Variants in CAPN14 observed in about 807,000 individuals in gnomAD.
The protein encoded by CAPN14 is calpain 14.
A neutral mutation model predicts 101.3 loss-of-function variants in CAPN14; 94 were observed. The ratio of observed to expected loss-of-function variants is 0.93; its 90% CI spans 0.79 to 1.10. The LOEUF (loss-of-function observed/expected upper bound fraction) is 1.10. Ranked by LOEUF, CAPN14 falls within the 50% of genes least tolerant of loss-of-function variation. The pLI, the probability that CAPN14 is intolerant of heterozygous loss-of-function variation, is 0.00. For missense variants in CAPN14, 837 were observed against 828.4 expected, an observed-to-expected ratio of 1.01 and a Z score of -0.13; for synonymous variants, 338 against 317.9, an observed-to-expected ratio of 1.06 and a Z score of -0.67.
At chr2:31,197,851 G>A (rs1324936759) in intron 7 of CAPN14, among the ~76,000 whole-genome samples, 1 of 152,160 alleles carries the variant, frequency 6.6e-6, no homozygotes, top group Non-Finnish European at 1.5e-5. Flanking sequence ...GGAAGGTGGA[G>A]GAGGCAAGAA....
Position 31,176,262 on chromosome 2 carries a change from C to T in CAPN14, c.2028+325G>A, listed in dbSNP as rs566089373. On this transcript the variant is annotated intron_variant, in intron 21 of 21. Coordinates refer to ENST00000403897, the MANE Select transcript of CAPN14 (RefSeq NM_001145122.2). ...ACATGAGCAAGCCAGCTGAGATCCA[C>T]TGACTCCCAGCCATGTGACTCGGAA... 9.8e-5 allele frequency among the ~76,000 whole-genome samples: 15 copies of T among 152,356 alleles called. No individual in the cohort carries two copies. In the South Asian group the frequency reaches 1.9e-3, roughly 19 times the overall value.
intron 13 of CAPN14, 114 bp downstream of exon 13, chr2:31,189,159 C>T: frequency 1.1e-6 from 1 of 905,668 alleles, no homozygotes; most frequent in Non-Finnish European, 1.7e-6. Flanking sequence ...CTCTCCCCAT[C>T]TCCCTTTTGT....
Position 31,232,307 on chromosome 2 carries a change from T to A in CAPN14, c.-177+1484A>T, listed in dbSNP as rs562667454. Among the ~76,000 whole-genome samples the A allele has an allele frequency of 7.9e-5, 12 of 152,286 alleles. No individual in the cohort carries two copies. The East Asian group carries it at 2.1e-3, about 27-fold the overall frequency. On this transcript the variant is annotated intron_variant and NMD_transcript_variant, in intron 1 of 21. Transcript: ENST00000398824. ...CCTCACCCTTATGTCCTCTTTTTTT[T>A]ATCACATACCAAGATCTGACAATTC...
At chr2:31,206,561 C>T (rs1380109122) in intron 1 of CAPN14, among the ~76,000 whole-genome samples, 1 of 152,186 alleles carries the variant, frequency 6.6e-6, no homozygotes, top group African/African-American at 2.4e-5. Context: ...AGCCTACATT[C>T]TCTTTACAAA....
At chr2:31,218,757 C>A (rs1682763134), upstream of CAPN14, among the ~76,000 whole-genome samples, 1 of 152,150 alleles carries the variant, frequency 6.6e-6, no homozygotes, top group Non-Finnish European at 1.5e-5. Context: ...GGCTAAAGTC[C>A]CAGGGTGTCA....
At chr2:31,233,757 C>CAAAA (rs34898701) in intron 1 of CAPN14, 1 of 142,208 alleles carries the variant, frequency 7.0e-6, no homozygotes. Flanking sequence ...CTTTCTATGC[C>CAAAA]AAAAAAAAAA....
chr2:31,216,812 G>C (rs1165953009), intron 1 of CAPN14, among the ~76,000 whole-genome samples: 1 of 152,150 alleles, frequency 6.6e-6, no homozygotes, highest in Non-Finnish European at 1.5e-5. Context: ...ACTCAGACAA[G>C]GGCAATTTCG....
chr2:31,180,304 T>C (rs1054969724), intron 17 of CAPN14, among the ~76,000 whole-genome samples: 1 of 152,238 alleles, frequency 6.6e-6, no homozygotes, highest in African/African-American at 2.4e-5. Context: ...GCACTGTCTC[T>C]GAGTTTCTGC....
At chr2:31,188,570 A>G (rs1480872288) in intron 13 of CAPN14, among the ~76,000 whole-genome samples, 1 of 152,066 alleles carries the variant, frequency 6.6e-6, no homozygotes, top group Non-Finnish European at 1.5e-5. Context: ...CCCTCATCTA[A>G]CTAGTCTTAA....
In CAPN14 at chr2:31,174,713, C is replaced by A. The variant is rs781729859; in HGVS notation, c.2029-6G>T. The A allele has an allele frequency of 1.5e-4, 230 of 1,551,546 alleles. 1 individual carries two copies. Among genetic ancestry groups the A allele is most frequent in the Admixed American group, 5.9e-5 (3 of 50,996 alleles). ...TACAGTGCCATCATCATCCACTGGACATGTTGGGAAAGCAAATGATGGTCA... is the reference window on the plus strand; with the variant it reads ...TACAGTGCCATCATCATCCACTGGAAATGTTGGGAAAGCAAATGATGGTCA... On this transcript the variant is annotated splice_region_variant and splice_polypyrimidine_tract_variant and intron_variant, in intron 21 of 21. Transcript: ENST00000403897.
intron 1 of CAPN14, among the ~76,000 whole-genome samples, chr2:31,216,955 C>T (rs912014309): frequency 6.6e-6 from 1 of 152,152 alleles, no homozygotes; most frequent in African/African-American, 2.4e-5. Flanking sequence ...GGAAGTCAGC[C>T]CAGCCTCACT....
upstream of CAPN14, among the ~76,000 whole-genome samples, chr2:31,220,130 A>T (rs536000542): frequency 1.1e-4 from 16 of 152,310 alleles, no homozygotes; most frequent in East Asian, 3.1e-3. Flanking sequence ...TGCATTTTTT[A>T]AAATAGAGAA....
intron 16 of CAPN14, among the ~76,000 whole-genome samples, chr2:31,181,378 TTTTCTTTTTTTC>T (rs1254688786): frequency 1.3e-4 from 18 of 138,742 alleles, no homozygotes; most frequent in African/African-American, 2.5e-4. Flanking sequence ...TTTCTTTCTC[TTTTCTTTTTTTC>T]TTTCTTTTTT....
At chr2:31,209,654 G>A (rs2148697505) in intron 1 of CAPN14, among the ~76,000 whole-genome samples, 1 of 152,316 alleles carries the variant, frequency 6.6e-6, no homozygotes, top group African/African-American at 2.4e-5. Flanking sequence ...AAATGTGGGA[G>A]AAGGAACAGA....
chr2:31,223,174 G>T (rs938657194), intron 2 of CAPN14, among the ~76,000 whole-genome samples: 2 of 152,216 alleles, frequency 1.3e-5, no homozygotes, highest in Non-Finnish European at 2.9e-5. Context: ...TAAGACAAAA[G>T]GAGAAGTGTA....
chr2:31,186,553 C>T (rs569266196), intron 15 of CAPN14, 68 bp from the exon 16 acceptor site: 470 of 1,160,186 alleles, frequency 4.1e-4, no homozygotes, highest in South Asian at 3.8e-3. Context: ...GCAGAGGGGT[C>T]ATATGACTGG....
Position 31,177,776 on chromosome 2 carries a change from C to A in CAPN14, c.1825G>T (p.Glu609Ter). 6.4e-7 allele frequency: 1 copy of A among 1,552,004 alleles called. No homozygotes were observed. Among genetic ancestry groups the A allele is most frequent in the African/African-American group, 1.4e-5 (1 of 73,178 alleles). The change falls in exon 19 of 22, where the codon GAG becomes TAG. Residue 609 changes from glutamate to a stop codon, truncating the protein, a stop_gained. Transcript: ENST00000403897. LOFTEE classifies it high-confidence loss of function. ...QDRGSGYLNW[E>*]QLHAAMREAG... ...TCCCTCATGGCAGCGTGCAGCTGCT[C>A]CCAGTTCAGGTATCCTGACCCACGG...
At position 31,230,798 on chromosome 2, in the gene CAPN14, T is replaced by C. The variant is rs973336476; in HGVS notation, c.-177+2993A>G. On this transcript the variant is annotated intron_variant and NMD_transcript_variant, in intron 1 of 21. Transcript: ENST00000398824. The surrounding 1 kb of genome is among the most constrained non-coding windows in gnomAD (Gnocchi z 4.3). ...ATCTTTTCACTCACTTTTGTATTTTTAGTTGAACGAAAGTTTTAAATTTTG... is the reference window on the plus strand; with the variant it reads ...ATCTTTTCACTCACTTTTGTATTTTCAGTTGAACGAAAGTTTTAAATTTTG... Among the ~76,000 whole-genome samples the C allele has an allele frequency of 1.3e-5, 2 of 152,248 alleles. No individual in the cohort carries two copies.
intron 2 of CAPN14, among the ~76,000 whole-genome samples, chr2:31,223,489 C>G (rs79093326): frequency 6.6e-6 from 1 of 151,780 alleles, no homozygotes; most frequent in Admixed American, 6.6e-5. Flanking sequence ...GACACCTCCC[C>G]TACTCTGCCT....
Sources: gnomAD v4.1 joint callset for allele counts (sites outside exome capture counted in the v4.1 genomes callset) on GRCh38, gnomAD v4.1.1 for gene constraint, Gnocchi (gnomAD v3.1) non-coding constraint, MANE v1.5 for transcripts, NCBI Gene and HGNC (gene_info 2026-07-23, HGNC 2026-07-21) for gene names.